ADAM22: variants seen among roughly 807,000 people sequenced by gnomAD.
ADAM22 encodes disintegrin and metalloproteinase domain-containing protein 22.
Under a neutral mutation model 144.6 loss-of-function variants are expected in ADAM22, and 65 were observed. The observed-to-expected ratio is 0.45, with a 90% confidence interval of 0.37 to 0.55. The LOEUF is 0.55. ADAM22 is among the 20% of genes least tolerant of loss of function. The pLI is 0.00. For synonymous variants in ADAM22, 391 were observed against 412.6 expected (o/e 0.95, Z 0.63); for missense variants, 974 against 1,184.9 (o/e 0.82, Z 2.61).
chr7:88,131,583 A>G, intron 11 of ADAM22, 148 bp downstream of exon 11: 1 of 700,986 alleles, frequency 1.4e-6, no homozygotes, highest in Non-Finnish European at 2.3e-6. Context: ...TTTCAAGTAT[A>G]GATTGCTTAA....
rs368510462 is a variant in ADAM22, at chr7:87,994,349, C to G, written c.323+15937C>G. 3.3e-5 allele frequency among the ~76,000 whole-genome samples: 5 copies of G among 151,812 alleles called. No individual in the cohort carries two copies. In the East Asian group the frequency reaches 7.8e-4, roughly 24 times the overall value. ...CTAATTTTTTATATTTTTTAGTAGACACGGGGTTTCACCATGTTAGCCAGG... is the reference window on the plus strand; with the variant it reads ...CTAATTTTTTATATTTTTTAGTAGAGACGGGGTTTCACCATGTTAGCCAGG... On this transcript the variant is annotated intron_variant, in intron 3 of 31. Transcript: ENST00000413139.
At chr7:87,966,079 A>C (rs1167869957) in intron 2 of ADAM22, among the ~76,000 whole-genome samples, 1 of 152,200 alleles carries the variant, frequency 6.6e-6, no homozygotes, top group Admixed American at 6.5e-5. Flanking sequence ...TTCAGCTTGC[A>C]TATGGGGAAA....
rs1197434990 is a variant in ADAM22 at position 88,186,661 on chromosome 7, G to T, written c.2710G>T (p.Val904Leu). The change falls in exon 30 of 32, where the codon GTA becomes TTA. Residue 904 changes from valine to leucine, a missense_variant. This residue lies in a region of ADAM22 where 734 missense variants were observed against 950.6 expected (regional missense o/e 0.77). Coordinates refer to ENST00000413139, the MANE Select transcript of ADAM22 (RefSeq NM_001324418.2). The part of the protein sequence containing the change: ...FKRDYNVAKW[V>L]EDVNKNTEGP... ...AAGAGACTATAATGTAGCTAAGTGG[G>T]TAGAAGATGTGAATAAAAACACTGA... 3 of 1,612,312 alleles carry T rather than the reference G, an allele frequency of 1.9e-6. No individual in the cohort carries two copies. The highest frequency in any genetic ancestry group is 1.7e-5 in the Admixed American group (1 of 59,976).
intron 14 of ADAM22, among the ~76,000 whole-genome samples, chr7:88,142,039 CA>C (rs750641344): frequency 1.6e-4 from 25 of 152,150 alleles, no homozygotes; most frequent in Non-Finnish European, 3.4e-4. Flanking sequence ...TTTAAGAATA[CA>C]TTTTTTTAAA....
chr7:88,046,632 A>G (rs1171896937), intron 3 of ADAM22, among the ~76,000 whole-genome samples: 2 of 152,202 alleles, frequency 1.3e-5, no homozygotes, highest in East Asian at 1.9e-4. Flanking sequence ...AGCCAAAACA[A>G]TTATTGCCCA....
chr7:88,137,292 TGA>T (rs1406879065), intron 14 of ADAM22, among the ~76,000 whole-genome samples: 1 of 152,162 alleles, frequency 6.6e-6, no homozygotes, highest in East Asian at 1.9e-4. Context: ...AGAAATTGTG[TGA>T]GTCTCTGATG....
chr7:88,180,242 C>A (rs577289467), intron 27 of ADAM22, among the ~76,000 whole-genome samples: 1 of 152,130 alleles, frequency 6.6e-6, no homozygotes, highest in African/African-American at 2.4e-5. Flanking sequence ...AAAATGTATT[C>A]TTTTAATTTA....
intron 4 of ADAM22, among the ~76,000 whole-genome samples, chr7:88,079,628 C>T (rs981611017): frequency 2.0e-5 from 3 of 152,040 alleles, no homozygotes; most frequent in African/African-American, 7.3e-5. Context: ...CACACATAGG[C>T]TCAAAGTAAA....
chr7:88,031,806 C>G (rs1339902732), intron 3 of ADAM22, among the ~76,000 whole-genome samples: 1 of 152,242 alleles, frequency 6.6e-6, no homozygotes, highest in African/African-American at 2.4e-5. Context: ...CCTGCACAAC[C>G]TCAGGACACT....
rs1461072958 is a variant in ADAM22 at position 87,966,774 on chromosome 7, T to C, written c.247-11562T>C. On this transcript the variant is annotated intron_variant, in intron 2 of 31. Transcript: ENST00000413139. ...TTTTGTGGCATGTGTAGCCTTCATC[T>C]AGGAATTCCTGGGTAGTGAGATCTA... 1.4e-4 allele frequency among the ~76,000 whole-genome samples: 18 copies of C among 129,320 alleles called. No individual in the cohort carries two copies. The Admixed American group carries it at 1.5e-3, about 11-fold the overall frequency. 84.8% of individuals were successfully genotyped at this position (129,320 alleles called of 152,430 possible).
chr7:87,970,098 C>A (rs1850070764), intron 2 of ADAM22, among the ~76,000 whole-genome samples: 1 of 152,154 alleles, frequency 6.6e-6, no homozygotes, highest in African/African-American at 2.4e-5. Context: ...GTGGCCACAA[C>A]AAATTCTAGA....
chr7:88,053,591 GGAAAGAAAGAAAGAAAGAAAGAAA>G (rs1214968746), intron 3 of ADAM22, among the ~76,000 whole-genome samples: 43 of 113,400 alleles, frequency 3.8e-4, no homozygotes, highest in African/African-American at 1.0e-3. Context: ...AAGGAAGGAA[GGAAAGAAAGAAAGAAAGAAAGAAA>G]GAAAGAAAGA....
chr7:88,059,976 A>G (rs1042113133), intron 3 of ADAM22, among the ~76,000 whole-genome samples: 82 of 152,278 alleles, frequency 5.4e-4, no homozygotes, highest in African/African-American at 1.9e-3. Flanking sequence ...TACAATATAT[A>G]TACATGCACA....
intron 4 of ADAM22, among the ~76,000 whole-genome samples, chr7:88,097,192 C>T (rs1167892182): frequency 1.4e-5 from 2 of 147,054 alleles, no homozygotes; most frequent in Non-Finnish European, 3.0e-5. Context: ...CACTCTGTCA[C>T]CCAGGCTGGA....
intron 2 of ADAM22, among the ~76,000 whole-genome samples, chr7:87,962,725 A>G (rs1281092856): frequency 6.6e-6 from 1 of 151,994 alleles, no homozygotes; most frequent in Admixed American, 6.6e-5. Flanking sequence ...CTACAACAAC[A>G]AGCACCAGCC....
intron 2 of ADAM22, among the ~76,000 whole-genome samples, chr7:87,949,203 G>A (rs1844434062): frequency 6.6e-6 from 1 of 152,118 alleles, no homozygotes; most frequent in Non-Finnish European, 1.5e-5. Context: ...GGGCTCTCAA[G>A]GTGAGTGTTT....
At chr7:88,156,122 T>A in intron 22 of ADAM22, 116 bp downstream of exon 22, 5 of 1,111,090 alleles carry the variant, frequency 4.5e-6, no homozygotes, top group South Asian at 1.6e-5. Flanking sequence ...TATAATCTAG[T>A]CTATAGAGAC....
chr7:88,110,671 C>G (rs1825766136), intron 5 of ADAM22, among the ~76,000 whole-genome samples: 1 of 147,556 alleles, frequency 6.8e-6, no homozygotes, highest in Admixed American at 6.7e-5. Context: ...TTTCTTTTCT[C>G]TTCTCTTTTC....
intron 3 of ADAM22, among the ~76,000 whole-genome samples, chr7:88,010,937 C>G (rs761271541): frequency 5.4e-4 from 83 of 152,298 alleles, no homozygotes; most frequent in Non-Finnish European, 6.0e-4. Flanking sequence ...AAAATTCACT[C>G]TAAGTCTCAG....
Sources: allele counts gnomAD v4.1 joint callset (sites outside exome capture counted in the v4.1 genomes callset), GRCh38; gene constraint gnomAD v4.1.1; regional missense constraint gnomAD v4.1.1; transcripts MANE v1.5; gene names NCBI Gene and HGNC (gene_info 2026-07-23, HGNC 2026-07-21).